Variants in PTPRT observed in about 807,000 individuals in gnomAD.
The protein encoded by PTPRT is receptor-type tyrosine-protein phosphatase T.
PTPRT carries 56 observed loss-of-function variants against 176.8 expected under a neutral mutation model. That is an observed-to-expected ratio of 0.32 (90% CI 0.26 to 0.40). The LOEUF (loss-of-function observed/expected upper bound fraction) is 0.40, where lower values mean the gene tolerates loss of function less well. Ranked by LOEUF, PTPRT falls within the 10% of genes least tolerant of loss-of-function variation. The pLI is 1.00. For missense variants in PTPRT, 1,540 were observed against 1,908.2 expected (o/e 0.81, Z 3.60); for synonymous variants, 783 against 739.0 (o/e 1.06, Z -0.96).
At chr20:42,554,968 AT>A (rs1463240263) in intron 7 of PTPRT, among the ~76,000 whole-genome samples, 2 of 152,122 alleles carry the variant, frequency 1.3e-5, no homozygotes, top group Admixed American at 6.5e-5. Context: ...CTTTTATGCA[AT>A]TTTTCAGGAA....
chr20:43,110,553 G>A (rs954700190), intron 1 of PTPRT, among the ~76,000 whole-genome samples: 2 of 152,182 alleles, frequency 1.3e-5, no homozygotes, highest in Middle Eastern at 3.2e-3. Flanking sequence ...GGGTAAAGAC[G>A]CTATCCTATT....
chr20:42,520,353 C>T lies in PTPRT; in HGVS notation c.1154-47791G>A, dbSNP rs139496240. On this transcript the variant is annotated intron_variant, in intron 7 of 30. Coordinates refer to ENST00000373187, the MANE Select transcript of PTPRT (RefSeq NM_007050.6). The stretch of plus-strand genomic sequence containing the variant: ...AATTTGCTGGCCATCATGGAATCCC[C>T]GTCCCAGTAACATACCCTTTTCGGC... 7.6e-4 allele frequency among the ~76,000 whole-genome samples: 115 copies of T among 152,228 alleles called. 1 individual carries two copies. Among genetic ancestry groups the T allele is most frequent in the African/African-American group, 2.7e-3 (114 of 41,548 alleles).
At position 42,091,530 on chromosome 20, in the gene PTPRT, G is replaced by T. The variant is rs1416558351; in HGVS notation, c.3847-5677C>A. ...GTAATATCATCACGTTAGAAATAAA[G>T]GACTTTATTTATTAAGGCCCCTGCG... is the stretch of plus-strand genomic sequence containing the variant. On this transcript the variant is annotated intron_variant, in intron 27 of 30. Transcript: ENST00000373187. 3.9e-5 allele frequency among the ~76,000 whole-genome samples: 6 copies of T among 152,224 alleles called. No homozygotes were observed. In the East Asian group the frequency reaches 1.2e-3, roughly 29 times the overall value.
In PTPRT at chr20:42,666,064, C is replaced by T. The variant is rs555936045; in HGVS notation, c.1153+11802G>A. On this transcript the variant is annotated intron_variant, in intron 7 of 30. Coordinates refer to ENST00000373187, the MANE Select transcript of PTPRT (RefSeq NM_007050.6). ...ATATGTAACAAACCTGCACGTTGTGCACATGTACCGTAAAACTTAAAGTAT... is the reference window on the plus strand; with the variant it reads ...ATATGTAACAAACCTGCACGTTGTGTACATGTACCGTAAAACTTAAAGTAT... 4.0e-5 allele frequency among the ~76,000 whole-genome samples: 6 copies of T among 151,528 alleles called. No homozygotes were observed. The East Asian group carries it at 9.7e-4, about 24-fold the overall frequency.
chr20:42,882,465 A>G (rs1040471793), intron 2 of PTPRT, among the ~76,000 whole-genome samples: 3 of 152,226 alleles, frequency 2.0e-5, no homozygotes, highest in Admixed American at 2.0e-4. Flanking sequence ...GCATGAGTAA[A>G]AAGACACACT....
At chr20:42,140,238 C>A (rs6130056) in intron 18 of PTPRT, among the ~76,000 whole-genome samples, 8,802 of 146,054 alleles carry the variant, frequency 0.06, 342 homozygotes, top group East Asian at 0.2. Context: ...TTTTTTTTTT[C>A]TTTTGGATGA....
rs151189671 is a variant in PTPRT at position 42,638,785 on chromosome 20, C to T, written c.1153+39081G>A. ...TTAAATTTTAGTCACATTGTTTCTG[C>T]AATTAAAAAATCCATAATATATAGG... On this transcript the variant is annotated intron_variant, in intron 7 of 30. Coordinates refer to ENST00000373187, the MANE Select transcript of PTPRT (RefSeq NM_007050.6). 7.3e-4 allele frequency among the ~76,000 whole-genome samples: 111 copies of T among 152,162 alleles called. No homozygotes were observed. In the East Asian group the frequency reaches 7.3e-3, roughly 10 times the overall value.
chr20:42,780,078 T>C (rs2145497027), intron 4 of PTPRT, 140 bp downstream of exon 4: 3 of 752,426 alleles, frequency 4.0e-6, no homozygotes, highest in East Asian at 2.5e-5. Flanking sequence ...GCATTGAGTA[T>C]GTAAGCATTT....
At chr20:43,087,353 ACTGT>A (rs1325969026) in intron 1 of PTPRT, among the ~76,000 whole-genome samples, 2 of 83,194 alleles carry the variant, frequency 2.4e-5, no homozygotes, top group East Asian at 1.4e-3. Context: ...CACTGTTCAC[ACTGT>A]CCGTCCTTTT....
At chr20:42,731,984 C>T (rs2076468321) in intron 6 of PTPRT, among the ~76,000 whole-genome samples, 1 of 152,130 alleles carries the variant, frequency 6.6e-6, no homozygotes, top group Non-Finnish European at 1.5e-5. Flanking sequence ...CGAAGGGAGC[C>T]CCCTACTTAC....
intron 1 of PTPRT, among the ~76,000 whole-genome samples, chr20:43,179,113 A>G (rs2015187696): frequency 1.3e-5 from 2 of 152,218 alleles, no homozygotes; most frequent in African/African-American, 4.8e-5. Context: ...TGGTCAGCCC[A>G]TTTAGATTCT....
downstream of PTPRT, among the ~76,000 whole-genome samples, chr20:42,067,916 A>G (rs935378267): frequency 5.9e-5 from 9 of 152,210 alleles, no homozygotes; most frequent in Non-Finnish European, 1.3e-4. Flanking sequence ...ATATGATTCC[A>G]GGAAGCAATG....
intron 22 of PTPRT, among the ~76,000 whole-genome samples, chr20:42,114,113 G>A (rs973165557): frequency 6.6e-6 from 1 of 152,220 alleles, no homozygotes; most frequent in East Asian, 1.9e-4. Context: ...CCTTAGGCCT[G>A]TGGCCACATT....
chr20:42,856,819 C>G (rs1169336814), intron 2 of PTPRT, among the ~76,000 whole-genome samples: 1 of 151,922 alleles, frequency 6.6e-6, no homozygotes, highest in Non-Finnish European at 1.5e-5. Context: ...CCAACCTGAC[C>G]CTACATGTAT....
intron 16 of PTPRT, among the ~76,000 whole-genome samples, chr20:42,184,544 T>TTCTTCTTCTTCG (rs1990664200): frequency 9.8e-6 from 1 of 101,780 alleles, no homozygotes; most frequent in Non-Finnish European, 1.9e-5. Context: ...CCTCTTCCTC[T>TTCTTCTTCTTCG]TCTTCTTCTT....
In PTPRT at chr20:42,465,615, A is replaced by G. The variant is rs193271607; in HGVS notation, c.1450+6651T>C. Among the ~76,000 whole-genome samples, 340 of 152,352 alleles carry G rather than the reference A, an allele frequency of 2.2e-3. 2 individuals carry two copies. The highest frequency in any genetic ancestry group is 7.5e-3 in the African/African-American group (310 of 41,582). On this transcript the variant is annotated intron_variant, in intron 8 of 30. Coordinates refer to ENST00000373187, the MANE Select transcript of PTPRT (RefSeq NM_007050.6). ...GAAGTAGGAAGAAGAAAAGTATTAC[A>G]TATTTTTTTGCAAAAAGAACTCTAA...
chr20:42,962,002 A>G (rs1364939964), intron 1 of PTPRT, among the ~76,000 whole-genome samples: 2 of 152,204 alleles, frequency 1.3e-5, no homozygotes, highest in East Asian at 3.9e-4. Flanking sequence ...ATTCTCCCCT[A>G]CAGCCTCCAG....
chr20:43,000,421 A>G (rs1219588403), intron 1 of PTPRT, among the ~76,000 whole-genome samples: 2 of 152,194 alleles, frequency 1.3e-5, no homozygotes, highest in Non-Finnish European at 2.9e-5. Flanking sequence ...AAGTAAATAG[A>G]TTTTTAAGTG....
chr20:43,090,354 G>A (rs1226669046), intron 1 of PTPRT, among the ~76,000 whole-genome samples: 5 of 150,892 alleles, frequency 3.3e-5, no homozygotes, highest in Non-Finnish European at 5.9e-5. Context: ...TGCAAGCTCC[G>A]CCTCCCGGGT....
Sources: gnomAD v4.1 joint callset for allele counts (sites outside exome capture counted in the v4.1 genomes callset) on GRCh38, gnomAD v4.1.1 for gene constraint, MANE v1.5 for transcripts, NCBI Gene and HGNC (gene_info 2026-07-23, HGNC 2026-07-21) for gene names.